Variants in MAGI3 observed in about 807,000 individuals in gnomAD.
MAGI3 encodes the protein membrane associated guanylate kinase, WW and PDZ domain containing 3.
In MAGI3, 43 loss-of-function variants were observed where a neutral mutation model predicts 121.8. That is an observed-to-expected ratio of 0.35 (90% CI 0.28 to 0.46). MAGI3 has a LOEUF of 0.46. MAGI3 is among the 20% of genes least tolerant of loss of function. The pLI is 1.00. For missense variants in MAGI3, 1,547 were observed against 1,797.3 expected (o/e 0.86, Z 2.52); for synonymous variants, 553 against 639.3 (o/e 0.86, Z 2.04).
intron 1 of MAGI3, among the ~76,000 whole-genome samples, chr1:113,508,693 T>C (rs1053104593): frequency 6.6e-6 from 1 of 152,220 alleles, no homozygotes; most frequent in African/African-American, 2.4e-5. Context: ...CTTTTAAATG[T>C]ACCTATAGAC....
At chr1:113,520,174 AT>A (rs887635771) in intron 1 of MAGI3, among the ~76,000 whole-genome samples, 3,673 of 148,342 alleles carry the variant, frequency 0.025, 139 homozygotes, top group African/African-American at 0.084. Context: ...AACAGATGCT[AT>A]TTTTTTTTTT....
chr1:113,525,220 AT>A (rs1658397145), intron 1 of MAGI3, among the ~76,000 whole-genome samples: 1 of 152,150 alleles, frequency 6.6e-6, no homozygotes, highest in African/African-American at 2.4e-5. Flanking sequence ...CAATTTCCCA[AT>A]TGTTCCTAAA....
At position 113,631,136 on chromosome 1, in the gene MAGI3, G is replaced by A. The variant is rs35836713; in HGVS notation, c.1360+8142G>A. Among the ~76,000 whole-genome samples, 3 of 152,056 alleles carry A rather than the reference G, an allele frequency of 2.0e-5. No individual in the cohort carries two copies. In the East Asian group the frequency reaches 5.8e-4, roughly 29 times the overall value. Reference sequence around the variant, plus strand: ...GAGTTCAATGCAAATCCTGACAATCGCTGTGCTCACCCTCTCCCAAGCATG... The same window carrying A: ...GAGTTCAATGCAAATCCTGACAATCACTGTGCTCACCCTCTCCCAAGCATG... On this transcript the variant is annotated intron_variant, in intron 9 of 20. Transcript: ENST00000307546.
chr1:113,400,166 C>T (rs1357439140), intron 1 of MAGI3, among the ~76,000 whole-genome samples: 2 of 152,142 alleles, frequency 1.3e-5, no homozygotes, highest in South Asian at 2.1e-4. Flanking sequence ...TTTATAGCCT[C>T]CACTGGGAGA....
intron 18 of MAGI3, 76 bp from the exon 19 acceptor site, chr1:113,673,246 A>T: frequency 6.8e-7 from 1 of 1,476,490 alleles, no homozygotes; most frequent in Non-Finnish European, 9.2e-7. Flanking sequence ...TCTTCCAGCT[A>T]TAGAAGTAAT....
intron 11 of MAGI3, among the ~76,000 whole-genome samples, chr1:113,645,359 T>G (rs1334023520): frequency 2.6e-5 from 4 of 152,176 alleles, no homozygotes; most frequent in African/African-American, 9.7e-5. Flanking sequence ...TTATACTACT[T>G]GGGTCCAGTG....
At chr1:113,585,853 A>G (rs1412438296) in intron 4 of MAGI3, among the ~76,000 whole-genome samples, 1 of 152,170 alleles carries the variant, frequency 6.6e-6, no homozygotes, top group Non-Finnish European at 1.5e-5. Flanking sequence ...CCTGCTGTTT[A>G]AAATATTTGA....
At chr1:113,488,517 G>T (rs1024617863) in intron 1 of MAGI3, among the ~76,000 whole-genome samples, 2 of 152,140 alleles carry the variant, frequency 1.3e-5, no homozygotes, top group African/African-American at 4.8e-5. Flanking sequence ...TAGACCATGG[G>T]TGATCAGTGG....
Position 113,585,398 on chromosome 1 carries a change from G to A in MAGI3, c.565G>A (p.Gly189Arg), listed in dbSNP as rs377439585. 9 of 1,613,786 alleles carry A rather than the reference G, an allele frequency of 5.6e-6. No individual in the cohort carries two copies. Among genetic ancestry groups the A allele is most frequent in the African/African-American group, 4.0e-5 (3 of 74,906 alleles). The change falls in exon 4 of 21, where the codon GGA becomes AGA. Residue 189 changes from glycine (G) to arginine (R), a missense_variant. Coordinates refer to ENST00000307546, the MANE Select transcript of MAGI3 (RefSeq NM_001142782.2). ...TTTATTCACTTCAGGAAACTTCTAT[G>A]GAACTCCCAAGCCTCCAGCAGAACC... ...ESGTYDGNFY[G>R]TPKPPAEPSP... is the part of the protein sequence containing the mutation.
At chr1:113,513,754 CAACA>C (rs1396958167) in intron 1 of MAGI3, among the ~76,000 whole-genome samples, 2 of 152,258 alleles carry the variant, frequency 1.3e-5, no homozygotes, top group East Asian at 3.9e-4. Flanking sequence ...AAGCAATGAG[CAACA>C]AAAGCCAAAA....
chr1:113,593,038 G>A (rs901140415), intron 5 of MAGI3, among the ~76,000 whole-genome samples: 3 of 151,898 alleles, frequency 2.0e-5, no homozygotes, highest in African/African-American at 7.2e-5. Flanking sequence ...ACAAAAAAGT[G>A]TTTCTATCAC....
chr1:113,581,463 A>G (rs1041396814), intron 3 of MAGI3, among the ~76,000 whole-genome samples: 2 of 152,168 alleles, frequency 1.3e-5, no homozygotes, highest in South Asian at 4.1e-4. Context: ...TAGCAGCACC[A>G]TGATCTCAGA....
intron 1 of MAGI3, among the ~76,000 whole-genome samples, chr1:113,510,626 A>G (rs1657569212): frequency 6.6e-6 from 1 of 152,144 alleles, no homozygotes; most frequent in African/African-American, 2.4e-5. Flanking sequence ...TAAAGGCAAA[A>G]TCTTGGTCAT....
chr1:113,654,842 A>T (rs1653386002), intron 15 of MAGI3, among the ~76,000 whole-genome samples: 2 of 152,178 alleles, frequency 1.3e-5, no homozygotes, highest in Admixed American at 1.3e-4. Flanking sequence ...TTGCCTTTAC[A>T]AGTCAGTTTG....
chr1:113,685,580 T>C lies in MAGI3; in HGVS notation c.*1566T>C, dbSNP rs1299526920. 2 of 152,352 alleles carry C rather than the reference T, an allele frequency of 1.3e-5. No homozygotes were observed. Among genetic ancestry groups the C allele is most frequent in the Admixed American group, 1.3e-4 (2 of 15,284 alleles). The allele number at this position is 152,352 out of a possible 1,614,324, so 9.4% of individuals were successfully genotyped here. On this transcript the variant is annotated 3_prime_UTR_variant, in exon 21 of 21. Transcript: ENST00000307546. Reference sequence around the variant, plus strand: ...TACCCACCTATTGTAACTATTCAAATAGAGCAAAATTAGGAGGCTTGATAA... The same window carrying C: ...TACCCACCTATTGTAACTATTCAAACAGAGCAAAATTAGGAGGCTTGATAA...
At chr1:113,435,890 G>A (rs553188953) in intron 1 of MAGI3, among the ~76,000 whole-genome samples, 1 of 152,164 alleles carries the variant, frequency 6.6e-6, no homozygotes, top group Admixed American at 6.5e-5. Flanking sequence ...GAAAGCATGA[G>A]GCTGTAGCTC....
In MAGI3 at chr1:113,391,015, T is replaced by C. The variant is rs1650761468; in HGVS notation, c.-19T>C. ...GGCCGCCCGCGCGGGGTCTCCCCCA[T>C]GGTGCAGCGGGGTTCGGGATGTCGA... On this transcript the variant is annotated 5_prime_UTR_variant, in exon 1 of 21. An upstream start codon of the reference 5' UTR is lost. Coordinates refer to ENST00000307546, the MANE Select transcript of MAGI3 (RefSeq NM_001142782.2). The surrounding 1 kb of genome is among the most constrained non-coding windows in gnomAD (Gnocchi z 4.4). 3 of 1,552,550 alleles carry C rather than the reference T, an allele frequency of 1.9e-6. No homozygotes were observed. Among genetic ancestry groups the C allele is most frequent in the Non-Finnish European group, 2.6e-6 (3 of 1,152,004 alleles).
At chr1:113,534,678 ATTAC>A (rs1171697297) in intron 1 of MAGI3, among the ~76,000 whole-genome samples, 1 of 152,146 alleles carries the variant, frequency 6.6e-6, no homozygotes, top group Non-Finnish European at 1.5e-5. Flanking sequence ...AAAGACAGGT[ATTAC>A]TTTGTGATTT....
chr1:113,409,131 A>G (rs1294213396), intron 1 of MAGI3, among the ~76,000 whole-genome samples: 3 of 151,948 alleles, frequency 2.0e-5, no homozygotes, highest in Non-Finnish European at 4.4e-5. Flanking sequence ...GGAAAGTTTC[A>G]AGAGGAACAC....
Sources: allele counts gnomAD v4.1 joint callset (sites outside exome capture counted in the v4.1 genomes callset), GRCh38; gene constraint gnomAD v4.1.1; non-coding constraint Gnocchi (gnomAD v3.1); transcripts MANE v1.5; gene names NCBI Gene and HGNC (gene_info 2026-07-23, HGNC 2026-07-21).